Variants in CNNM3 observed in about 807,000 individuals in gnomAD.
The protein encoded by CNNM3 is cyclin and CBS domain divalent metal cation transport mediator 3.
A neutral mutation model predicts 57.1 loss-of-function variants in CNNM3; 47 were observed. The observed-to-expected ratio is 0.82, with a 90% CI of 0.65 to 1.05. The LOEUF (loss-of-function observed/expected upper bound fraction) is 1.05. Among genes scored for constraint, CNNM3 ranks in the 50% least tolerant of loss-of-function variants. The pLI is 0.00. For synonymous variants in CNNM3, 507 were observed against 478.2 expected, an observed-to-expected ratio of 1.06 and a Z score of -0.79; for missense variants, 957 against 973.7, an observed-to-expected ratio of 0.98 and a Z score of 0.23.
rs1412553567 is a variant in CNNM3, at chr2:96,832,865, A to C, written c.*249A>C. On this transcript the variant is annotated 3_prime_UTR_variant, in exon 8 of 8. Transcript: ENST00000305510. ...CCCTCCAGGCCCGCCTCAGGAAGGA[A>C]TGAAAGGAATGCCATCATCTCTAGT... 3 of 1,497,842 alleles carry C rather than the reference A, an allele frequency of 2.0e-6. No homozygotes were observed. The highest frequency in any genetic ancestry group is 2.7e-6 in the Non-Finnish European group (3 of 1,123,196). The allele number at this position is 1,497,842 out of a possible 1,614,324, so 92.8% of individuals were successfully genotyped here.
intron 1 of CNNM3, among the ~76,000 whole-genome samples, chr2:96,821,654 AC>A (rs10708500): frequency 0.087 from 13,292 of 152,194 alleles, 1,898 homozygotes; most frequent in African/African-American, 0.3. Flanking sequence ...GTCCTGATAA[AC>A]CCATTGTAAG....
At chr2:96,819,224 A>G (rs1416191203) in intron 1 of CNNM3, among the ~76,000 whole-genome samples, 3 of 151,266 alleles carry the variant, frequency 2.0e-5, no homozygotes, top group Admixed American at 6.6e-5. Flanking sequence ...GGTGGTAAGT[A>G]CTCCCATCTG....
intron 3 of CNNM3, 150 bp downstream of exon 3, chr2:96,827,132 C>A (rs2079521593): frequency 1.1e-6 from 1 of 869,844 alleles, no homozygotes; most frequent in African/African-American, 1.7e-5. Context: ...CTGCCAGCAT[C>A]TTGGGTCATG....
chr2:96,832,373 C>A, intron 7 of CNNM3, 179 bp from the exon 8 acceptor site: 1 of 1,480,930 alleles, frequency 6.8e-7, no homozygotes, highest in Non-Finnish European at 8.9e-7. Context: ...CCAGGGAAGG[C>A]ATCTGTTGGC....
In CNNM3 at chr2:96,817,217, G is replaced by T; in HGVS notation, c.940G>T (p.Val314Leu). The change falls in exon 1 of 8, where the codon GTG (valine) becomes TTG (leucine). Residue 314 changes from valine (V) to leucine (L), a missense_variant. By Grantham distance (32) the Val-to-Leu change is conservative (BLOSUM62 1). This residue lies in a region of CNNM3 where 491 missense variants were observed against 570.6 expected (regional missense o/e 0.86). Transcript: ENST00000305510. ...CAAGGGCGTGCTGCGCTGCCGGACC[G>T]TGGAGGACGTGCTCACGCCCCTCGA... Reference protein sequence around the residue: ...LSKGVLRCRTVEDVLTPLEDC... With the variant: ...LSKGVLRCRTLEDVLTPLEDC... The T allele has an allele frequency of 6.3e-7, 1 of 1,599,676 alleles. No individual in the cohort carries two copies.
chr2:96,819,478 G>GCGTTAGCAGGTGGTTCTTACTC (rs2079375280), intron 1 of CNNM3, among the ~76,000 whole-genome samples: 1 of 152,202 alleles, frequency 6.6e-6, no homozygotes, highest in Non-Finnish European at 1.5e-5. Flanking sequence ...TGTGTGCTTG[G>GCGTTAGCAGGTGGTTCTTACTC]CGTTAGCAGG....
At chr2:96,828,779 T>A (rs1429127715) in intron 6 of CNNM3, 79 bp downstream of exon 6, 2 of 1,581,278 alleles carry the variant, frequency 1.3e-6, no homozygotes, top group African/African-American at 1.3e-5. Flanking sequence ...GGTCTGAGAC[T>A]GCCCGGAACA....
chr2:96,823,968 T>G (rs1297075716), intron 1 of CNNM3, among the ~76,000 whole-genome samples: 1 of 152,236 alleles, frequency 6.6e-6, no homozygotes, highest in Non-Finnish European at 1.5e-5. Flanking sequence ...CTATGAATAT[T>G]TTTTGTATTG....
chr2:96,817,753 C>G (rs963201908), intron 1 of CNNM3, among the ~76,000 whole-genome samples: 5 of 150,104 alleles, frequency 3.3e-5, no homozygotes, highest in Admixed American at 6.6e-5. Flanking sequence ...CAGGATAGCC[C>G]CCCCCCCCCA....
At chr2:96,832,327 G>C (rs1172410383) in intron 7 of CNNM3, 2 of 985,172 alleles carry the variant, frequency 2.0e-6, no homozygotes, top group Non-Finnish European at 2.4e-6. Flanking sequence ...TGGGACCCTC[G>C]GGGCCAGAAA....
intron 1 of CNNM3, among the ~76,000 whole-genome samples, chr2:96,822,331 C>CA (rs2079420981): frequency 6.6e-6 from 1 of 151,948 alleles, no homozygotes; most frequent in African/African-American, 2.4e-5. Flanking sequence ...ATTTTTGAGA[C>CA]AGAGTCTTGC....
In CNNM3 at chr2:96,832,583, G is replaced by A. The variant is rs758434709; in HGVS notation, c.2091G>A (p.Val697=). The part of the protein sequence containing the change: ...GSSHSRPGVP[V]EGSPGRNPGV ...GCCACAGCAGGCCCGGCGTCCCGGTGGAAGGCAGCCCTGGGCGGAACCCAG... is the reference window on the plus strand; with the variant it reads ...GCCACAGCAGGCCCGGCGTCCCGGTAGAAGGCAGCCCTGGGCGGAACCCAG... Residue 697 remains valine, a synonymous_variant, in exon 8 of 8, where the codon GTG becomes GTA. Transcript: ENST00000305510. 1.9e-6 allele frequency: 3 copies of A among 1,614,186 alleles called. No individual in the cohort carries two copies. Among genetic ancestry groups the A allele is most frequent in the South Asian group, 1.1e-5 (1 of 91,086 alleles).
intron 2 of CNNM3, among the ~76,000 whole-genome samples, chr2:96,825,746 C>T (rs747782916): frequency 6.6e-6 from 1 of 152,190 alleles, no homozygotes; most frequent in Non-Finnish European, 1.5e-5. Context: ...GCTAAAAATA[C>T]AAACATTAGC....
At chr2:96,837,162 A>T (rs1003970778), downstream of CNNM3, 1 of 151,322 alleles carries the variant, frequency 6.6e-6, no homozygotes, top group Non-Finnish European at 1.5e-5. Flanking sequence ...TCCTCCTCTC[A>T]CTCTATTCTT....
At chr2:96,827,701 G>A (rs201760396) in intron 3 of CNNM3, 30 bp from the exon 4 acceptor site, 4 of 1,600,004 alleles carry the variant, frequency 2.5e-6, no homozygotes, top group Non-Finnish European at 3.4e-6. Flanking sequence ...GGCCCCAGTG[G>A]ACACTGTCCC....
intron 1 of CNNM3, 45 bp from the exon 2 acceptor site, chr2:96,825,013 G>C (rs745917156): frequency 1.1e-5 from 17 of 1,598,560 alleles, no homozygotes; most frequent in Middle Eastern, 2.3e-4. Flanking sequence ...GAATCAAACT[G>C]GGGGGGGCCC....
Position 96,826,963 on chromosome 2 carries a change from C to G in CNNM3, c.1500C>G (p.Thr500=), listed in dbSNP as rs766269614. 1.2e-6 allele frequency: 2 copies of G among 1,614,006 alleles called. No homozygotes were observed. Among genetic ancestry groups the G allele is most frequent in the African/African-American group, 2.7e-5 (2 of 74,942 alleles). ...VTISPQLLLA[T]QRFLSREVDV... is the part of the protein sequence containing the mutation. Reference sequence around the variant, plus strand: ...TCTCGCCTCAGCTGCTCTTGGCCACCCAGCGCTTCCTGTCCCGAGGTGAGG... The same window carrying G: ...TCTCGCCTCAGCTGCTCTTGGCCACGCAGCGCTTCCTGTCCCGAGGTGAGG... The change falls in exon 3 of 8, where the codon ACC becomes ACG. Residue 500 remains threonine (T), a synonymous_variant. Transcript: ENST00000305510.
At chr2:96,831,418 C>A in intron 7 of CNNM3, among the ~76,000 whole-genome samples, 1 of 152,130 alleles carries the variant, frequency 6.6e-6, no homozygotes, top group East Asian at 1.9e-4. Context: ...CAGAGAAGTG[C>A]CTTTTTTGAG....
At chr2:96,820,640 G>A (rs1445308894) in intron 1 of CNNM3, among the ~76,000 whole-genome samples, 1 of 152,200 alleles carries the variant, frequency 6.6e-6, no homozygotes, top group Non-Finnish European at 1.5e-5. Context: ...GACAGGAGAG[G>A]AGGCCAGCAA....
Sources: gnomAD v4.1 joint callset for allele counts (sites outside exome capture counted in the v4.1 genomes callset) on GRCh38, gnomAD v4.1.1 for gene constraint, gnomAD v4.1.1 regional missense constraint, MANE v1.5 for transcripts, NCBI Gene and HGNC (gene_info 2026-07-23, HGNC 2026-07-21) for gene names.